The following TBC1D8 variants were observed in gnomAD, a reference collection of about 807,000 sequenced individuals.
The protein encoded by TBC1D8 is BUB2-like protein 1.
In TBC1D8, 65 loss-of-function variants were observed where a neutral mutation model predicts 118.8. That is an observed-to-expected ratio of 0.55 (90% CI 0.45 to 0.67). The LOEUF (loss-of-function observed/expected upper bound fraction) is 0.67. Among genes scored for constraint, TBC1D8 ranks in the 30% least tolerant of loss-of-function variants. TBC1D8 has a pLI of 0.00. For synonymous variants in TBC1D8, 566 were observed against 595.8 expected, an observed-to-expected ratio of 0.95 and a Z score of 0.73; for missense variants, 1,376 against 1,471.2, an observed-to-expected ratio of 0.94 and a Z score of 1.06.
chr2:101,035,881 C>T, intron 9 of TBC1D8, 137 bp downstream of exon 9: 1 of 1,074,068 alleles, frequency 9.3e-7, no homozygotes, highest in Middle Eastern at 3.1e-4. Context: ...TGGAAGTCCT[C>T]AGCTGGGAAA....
Position 101,038,553 on chromosome 2 carries a change from G to C in TBC1D8, c.1183C>G (p.Arg395Gly), listed in dbSNP as rs553945266. ...AGCAGCGCCTCCACCAGGCTGTCTC[G>C]GTCCCGGAGCTCAATGAACTGGAAG... ...VAFQFIELRD[R>G]DSLVEALLAR... The change falls in exon 7 of 20, where the codon CGA becomes GGA. Residue 395 changes from arginine to glycine, a missense_variant. Physicochemically the swap from Arg to Gly is moderately radical, Grantham distance 125. Transcript: ENST00000409318. 6.2e-7 allele frequency: 1 copy of C among 1,613,898 alleles called. No homozygotes were observed.
Position 101,027,253 on chromosome 2 carries a change from A to AG in TBC1D8, c.2520+129dup, listed in dbSNP as rs1379957418. 57 of 752,564 alleles carry AG rather than the reference A, an allele frequency of 7.6e-5. 1 individual carries two copies. Among genetic ancestry groups the AG allele is most frequent in the South Asian group, 2.4e-4 (15 of 62,624 alleles). 46.6% of individuals were successfully genotyped at this position (752,564 alleles called of 1,614,324 possible). A position where few individuals can be genotyped will look rare whatever the true frequency, so the allele number is the denominator to read the frequency against. The stretch of plus-strand genomic sequence containing the variant: ...AGGTAGGCAGGCTAAGACAGCTTCA[A>AG]GGGGGGCAGCTCCGGCCTCTGCTCC... On this transcript the variant is annotated intron_variant, in intron 15 of 19. Transcript: ENST00000409318.
chr2:101,130,326 A>G (rs1390505132), intron 1 of TBC1D8, among the ~76,000 whole-genome samples: 1 of 152,246 alleles, frequency 6.6e-6, no homozygotes, highest in African/African-American at 2.4e-5. Context: ...CCTGCAAGAC[A>G]GGTGCCCGCG....
chr2:101,088,424 A>T (rs1675785553), intron 2 of TBC1D8, among the ~76,000 whole-genome samples: 1 of 151,782 alleles, frequency 6.6e-6, no homozygotes, highest in Admixed American at 6.6e-5. Context: ...AGTAGCTGGG[A>T]TTATAGGCAC....
At chr2:101,068,600 C>A in intron 2 of TBC1D8, 1 of 553,232 alleles carries the variant, frequency 1.8e-6, no homozygotes, top group South Asian at 1.8e-5. Context: ...CCAAGCAGCA[C>A]AGGATACAAT....
intron 17 of TBC1D8, among the ~76,000 whole-genome samples, chr2:101,018,476 C>T (rs1283529111): frequency 6.6e-6 from 1 of 152,184 alleles, no homozygotes; most frequent in Non-Finnish European, 1.5e-5. Flanking sequence ...AGCAGATGTA[C>T]TTGGTTATGT....
chr2:101,110,933 T>C (rs1179715560), intron 1 of TBC1D8, among the ~76,000 whole-genome samples: 1 of 147,510 alleles, frequency 6.8e-6, no homozygotes, highest in Admixed American at 6.9e-5. Flanking sequence ...TGAGCCGAGA[T>C]TGCGCCACTG....
chr2:101,097,591 C>T (rs1263219777), intron 1 of TBC1D8, among the ~76,000 whole-genome samples: 1 of 151,780 alleles, frequency 6.6e-6, no homozygotes, highest in Non-Finnish European at 1.5e-5. Context: ...TTAGACTGGG[C>T]CCAGTGGCAC....
intron 1 of TBC1D8, among the ~76,000 whole-genome samples, chr2:101,123,922 G>A (rs1678237085): frequency 6.6e-6 from 1 of 152,164 alleles, no homozygotes; most frequent in South Asian, 2.1e-4. Context: ...AAACCTCGGT[G>A]TTTAGAGTAA....
intron 1 of TBC1D8, among the ~76,000 whole-genome samples, chr2:101,140,481 A>G (rs1436435624): frequency 2.0e-5 from 3 of 152,172 alleles, no homozygotes; most frequent in African/African-American, 7.2e-5. Flanking sequence ...ATGAGGGGAC[A>G]CAGCTTCAAT....
chr2:101,016,634 T>C (rs11686831), intron 17 of TBC1D8, among the ~76,000 whole-genome samples: 28,548 of 152,012 alleles, frequency 0.19, 2,889 homozygotes, highest in Middle Eastern at 0.32. Context: ...CGTATGTTTA[T>C]TGCGGCACTA....
intron 1 of TBC1D8, among the ~76,000 whole-genome samples, chr2:101,126,152 C>A (rs148427272): frequency 1.2e-3 from 181 of 152,252 alleles, no homozygotes; most frequent in African/African-American, 4.0e-3. Context: ...ATACAGAGAG[C>A]ACATGGTAGG....
chr2:101,041,408 T>C (rs1369867915), intron 5 of TBC1D8, among the ~76,000 whole-genome samples: 3 of 152,176 alleles, frequency 2.0e-5, no homozygotes, highest in African/African-American at 7.2e-5. Flanking sequence ...TTGAAAATAT[T>C]ATACTGAGTG....
At position 101,054,328 on chromosome 2, in the gene TBC1D8, T is replaced by C. The variant is rs1209534199; in HGVS notation, c.411A>G (p.Ile137Met). ...CGAGCCTGCTGCTGGTCTCCTCGGC[T>C]ATCAGAGCCTGACACACAGAGATGA... ...SFVKGKVKALIAEETSSRLAE... is the reference protein window; with the variant it reads ...SFVKGKVKALMAEETSSRLAE... Residue 137 changes from isoleucine to methionine, a missense_variant, in exon 4 of 20, where the codon ATA (isoleucine) becomes ATG (methionine). Physicochemically the swap from Ile to Met is conservative, Grantham distance 10 (BLOSUM62 1). Transcript: ENST00000409318. The C allele has an allele frequency of 3.8e-6, 6 of 1,560,032 alleles. No individual in the cohort carries two copies. The highest frequency in any genetic ancestry group is 5.2e-6 in the Non-Finnish European group (6 of 1,151,468).
At chr2:101,080,377 T>A (rs985198354) in intron 2 of TBC1D8, among the ~76,000 whole-genome samples, 1 of 151,762 alleles carries the variant, frequency 6.6e-6, no homozygotes, top group Non-Finnish European at 1.5e-5. Flanking sequence ...AAAGATGGGG[T>A]TGGCACTTCC....
Position 101,014,087 on chromosome 2 carries a change from A to C in TBC1D8, c.2828-2547T>G, listed in dbSNP as rs76823413. 1.9e-3 allele frequency among the ~76,000 whole-genome samples: 294 copies of C among 152,360 alleles called. 5 individuals are homozygous for C. The highest frequency in any genetic ancestry group is 0.018 in the East Asian group (94 of 5,182). ...AACAGCTACTGGAGGCAGGGATCAT[A>C]CATCCAATTTCTTAGTGGTGGCTTC... is the stretch of plus-strand genomic sequence containing the variant. On this transcript the variant is annotated intron_variant, in intron 17 of 19. Coordinates refer to ENST00000409318, the MANE Select transcript of TBC1D8 (RefSeq NM_001330348.2).
intron 1 of TBC1D8, among the ~76,000 whole-genome samples, chr2:101,093,527 C>G (rs1220734388): frequency 6.6e-6 from 1 of 151,984 alleles, no homozygotes; most frequent in Non-Finnish European, 1.5e-5. Context: ...TTTTCCAACA[C>G]CAAGTAAACT....
chr2:101,099,964 C>A (rs1323962818), intron 1 of TBC1D8, among the ~76,000 whole-genome samples: 1 of 152,160 alleles, frequency 6.6e-6, no homozygotes, highest in African/African-American at 2.4e-5. Flanking sequence ...GACAAGGATG[C>A]CCTCTCTCAC....
intron 1 of TBC1D8, among the ~76,000 whole-genome samples, chr2:101,111,737 T>C (rs183909215): frequency 3.9e-5 from 6 of 152,286 alleles, no homozygotes; most frequent in Admixed American, 3.9e-4. Context: ...GGTTTGAGTC[T>C]TCACTCAAAA....
Sources: allele counts gnomAD v4.1 joint callset (sites outside exome capture counted in the v4.1 genomes callset), GRCh38; gene constraint gnomAD v4.1.1; transcripts MANE v1.5; gene names NCBI Gene and HGNC (gene_info 2026-07-23, HGNC 2026-07-21).